Variants in SYNE3 observed in about 807,000 individuals in gnomAD.
SYNE3 encodes spectrin repeat containing nuclear envelope family member 3.
In SYNE3, 100 loss-of-function variants were observed where a neutral mutation model predicts 111.2. That is an observed-to-expected ratio of 0.90 (90% CI 0.77 to 1.06). The LOEUF (loss-of-function observed/expected upper bound fraction) is 1.06. Among genes scored for constraint, SYNE3 ranks in the 50% least tolerant of loss-of-function variants. The probability of loss-of-function intolerance (pLI) is 0.00; values close to 1 mark genes in which losing one functional copy is unlikely to be tolerated. For synonymous variants in SYNE3, 547 were observed against 533.9 expected, an observed-to-expected ratio of 1.02 and a Z score of -0.34; for missense variants, 1,160 against 1,240.3, an observed-to-expected ratio of 0.94 and a Z score of 0.97.
intron 4 of SYNE3, among the ~76,000 whole-genome samples, chr14:95,464,640 A>G (rs939876122): frequency 6.6e-6 from 1 of 152,222 alleles, no homozygotes; most frequent in Non-Finnish European, 1.5e-5. Flanking sequence ...AAGCCAATTC[A>G]CTGACATGAA....
At chr14:95,432,210 G>T in intron 16 of SYNE3, 93 bp from the exon 17 acceptor site, 2 of 1,429,802 alleles carry the variant, frequency 1.4e-6, no homozygotes, top group Non-Finnish European at 1.9e-6. Flanking sequence ...TGGAATATTC[G>T]TTTTGTCAGG....
Position 95,495,602 on chromosome 14 carries a change from G to A in SYNE3, c.-14-19767C>T, listed in dbSNP as rs192037933. On this transcript the variant is annotated intron_variant, in intron 1 of 17. Transcript: ENST00000682763. ...GTCATCGTGCTGCCTGACAGATGGGGAAACTGAAGCTGGCTCTCCTGCCCA... is the reference window on the plus strand; with the variant it reads ...GTCATCGTGCTGCCTGACAGATGGGAAAACTGAAGCTGGCTCTCCTGCCCA... Among the ~76,000 whole-genome samples, 612 of 152,356 alleles carry A rather than the reference G, an allele frequency of 4.0e-3. 3 individuals are homozygous for A. The highest frequency in any genetic ancestry group is 0.014 in the African/African-American group (574 of 41,584).
chr14:95,437,781 T>A (rs1886178032), intron 14 of SYNE3: 2 of 152,360 alleles, frequency 1.3e-5, no homozygotes, highest in South Asian at 2.1e-4. Flanking sequence ...GGGAAAGTGA[T>A]GGGTAAAACA....
chr14:95,496,332 G>T (rs952955439), intron 1 of SYNE3, among the ~76,000 whole-genome samples: 51 of 152,288 alleles, frequency 3.3e-4, no homozygotes, highest in African/African-American at 1.1e-3. Flanking sequence ...GCATTTGGAG[G>T]ATTCTCAACA....
At chr14:95,498,530 A>G (rs1221999303) in intron 1 of SYNE3, among the ~76,000 whole-genome samples, 1 of 152,220 alleles carries the variant, frequency 6.6e-6, no homozygotes, top group Non-Finnish European at 1.5e-5. Flanking sequence ...ACAAATTCAA[A>G]GATTTCATAG....
chr14:95,417,504 G>A lies in SYNE3; in HGVS notation c.*322C>T, dbSNP rs1388934719. On this transcript the variant is annotated 3_prime_UTR_variant, in exon 18 of 18. Coordinates refer to ENST00000682763, the MANE Select transcript of SYNE3 (RefSeq NM_152592.6). ...AACAATACCACAAAATCCCATTGGAGGGAGCCATTGCTAGGAATTTTCCCA... is the reference window on the plus strand; with the variant it reads ...AACAATACCACAAAATCCCATTGGAAGGAGCCATTGCTAGGAATTTTCCCA... 2.2e-5 allele frequency: 8 copies of A among 366,768 alleles called. No homozygotes were observed. Among genetic ancestry groups the A allele is most frequent in the Non-Finnish European group, 3.6e-5 (7 of 194,506 alleles). The allele number at this position is 366,768 out of a possible 1,614,324, so 22.7% of individuals were successfully genotyped here.
At position 95,500,326 on chromosome 14, in the gene SYNE3, G is replaced by A. The variant is rs1168948120; in HGVS notation, c.-15+16270C>T. Among the ~76,000 whole-genome samples the A allele has an allele frequency of 3.3e-5, 5 of 152,206 alleles. No individual in the cohort carries two copies. Among genetic ancestry groups the A allele is most frequent in the East Asian group, 3.9e-4 (2 of 5,190 alleles). ...GAGACGCCAGGTTTACGACGTGCCT[G>A]TGAGAAGCCGGGCATCCAGCCTAGG... On this transcript the variant is annotated intron_variant, in intron 1 of 17. Coordinates refer to ENST00000682763, the MANE Select transcript of SYNE3 (RefSeq NM_152592.6). The surrounding 1 kb of genome is among the most constrained non-coding windows in gnomAD (Gnocchi z 4.7).
intron 4 of SYNE3, among the ~76,000 whole-genome samples, chr14:95,461,354 G>A (rs564921317): frequency 8.5e-5 from 13 of 152,298 alleles, no homozygotes; most frequent in Admixed American, 2.6e-4. Context: ...AGACTAAATC[G>A]GGATTAAAAA....
chr14:95,433,468 AATGGTAAGG>A, intron 15 of SYNE3, 59 bp from the exon 16 acceptor site: 1 of 1,598,840 alleles, frequency 6.3e-7, no homozygotes, highest in Admixed American at 1.7e-5. Flanking sequence ...GCCCCACCTG[AATGGTAAGG>A]ATGGGTCCAT....
intron 2 of SYNE3, among the ~76,000 whole-genome samples, chr14:95,469,434 C>T (rs1050569604): frequency 2.0e-5 from 3 of 151,364 alleles, no homozygotes; most frequent in African/African-American, 7.3e-5. Context: ...GTGCTGCATG[C>T]CTATAATCCT....
At chr14:95,445,505 T>C (rs969617493) in intron 9 of SYNE3, among the ~76,000 whole-genome samples, 5 of 152,238 alleles carry the variant, frequency 3.3e-5, no homozygotes, top group African/African-American at 9.6e-5. Context: ...CCATGCCATG[T>C]CATTGATGTA....
chr14:95,456,822 C>T (rs1193684658), intron 5 of SYNE3, among the ~76,000 whole-genome samples: 2 of 152,156 alleles, frequency 1.3e-5, no homozygotes, highest in Admixed American at 1.3e-4. Flanking sequence ...TGGTGGCTCA[C>T]ACCTGTAATC....
rs1477867220 is a variant in SYNE3, at chr14:95,412,797, C to T, written c.*5029G>A. ...CCAAACTTTCAGACAGCATGTTTTT[C>T]CAGGAAGAATACTGTATGGGGAGCA... On this transcript the variant is annotated 3_prime_UTR_variant, in exon 18 of 18. Coordinates refer to ENST00000682763, the MANE Select transcript of SYNE3 (RefSeq NM_152592.6). 6.6e-6 allele frequency: 1 copy of T among 152,230 alleles called. No individual in the cohort carries two copies. Among genetic ancestry groups the T allele is most frequent in the Non-Finnish European group, 1.5e-5 (1 of 68,046 alleles). 9.4% of individuals were successfully genotyped at this position (152,230 alleles called of 1,614,324 possible).
Position 95,424,123 on chromosome 14 carries a change from G to A in SYNE3, c.2728-6097C>T, listed in dbSNP as rs1256740266. ...GACCTGCATTACAGATGAAGCAAGAGCTCACGCAGTCTGAAGACAGTGCAT... is the reference window on the plus strand; with the variant it reads ...GACCTGCATTACAGATGAAGCAAGAACTCACGCAGTCTGAAGACAGTGCAT... On this transcript the variant is annotated intron_variant, in intron 17 of 17. Transcript: ENST00000682763. 2.0e-5 allele frequency among the ~76,000 whole-genome samples: 3 copies of A among 152,172 alleles called. 1 individual carries two copies. The highest frequency in any genetic ancestry group is 7.2e-5 in the African/African-American group (3 of 41,412).
chr14:95,478,996 A>C (rs1566680230), intron 1 of SYNE3, among the ~76,000 whole-genome samples: 1 of 152,108 alleles, frequency 6.6e-6, no homozygotes, highest in South Asian at 2.1e-4. Flanking sequence ...CCCAGTGGTC[A>C]AGTCCCCATG....
rs114845944 is a variant in SYNE3, at chr14:95,485,395, C to T, written c.-14-9560G>A. ...ACTTCACACAGCTTCCCTGGAGCCA[C>T]CTTAATCAATAGACCTGAGGCATTC... On this transcript the variant is annotated intron_variant, in intron 1 of 17. Coordinates refer to ENST00000682763, the MANE Select transcript of SYNE3 (RefSeq NM_152592.6). The surrounding 1 kb of genome is among the most constrained non-coding windows in gnomAD (Gnocchi z 4.3). Among the ~76,000 whole-genome samples, 1,236 of 152,206 alleles carry T rather than the reference C, an allele frequency of 8.1e-3. 17 individuals are homozygous for T. The highest frequency in any genetic ancestry group is 0.029 in the African/African-American group (1,184 of 41,508).
At chr14:95,440,320 G>A (rs1416854095) in intron 11 of SYNE3, among the ~76,000 whole-genome samples, 10 of 152,254 alleles carry the variant, frequency 6.6e-5, no homozygotes, top group Admixed American at 6.5e-4. Flanking sequence ...AGGTGAGGGT[G>A]GGGGAAATTG....
chr14:95,503,610 C>CTT (rs386382233), intron 1 of SYNE3, among the ~76,000 whole-genome samples: 2,302 of 91,894 alleles, frequency 0.025, 349 homozygotes, highest in African/African-American at 0.041. Context: ...TCAGAACTAC[C>CTT]TTTTTTTTTT....
At chr14:95,501,948 TAGC>T (rs1275859487) in intron 1 of SYNE3, among the ~76,000 whole-genome samples, 2 of 152,136 alleles carry the variant, frequency 1.3e-5, no homozygotes, top group Non-Finnish European at 2.9e-5. Flanking sequence ...CCTTGAAGGA[TAGC>T]ACAGGGGCTC....
Sources: gnomAD v4.1 joint callset for allele counts (sites outside exome capture counted in the v4.1 genomes callset) on GRCh38, gnomAD v4.1.1 for gene constraint, Gnocchi (gnomAD v3.1) non-coding constraint, MANE v1.5 for transcripts, NCBI Gene and HGNC (gene_info 2026-07-23, HGNC 2026-07-21) for gene names.